The following CCDC171 variants were observed in gnomAD, a reference collection of about 807,000 sequenced individuals.
CCDC171 encodes coiled-coil domain-containing protein 171.
CCDC171 carries 177 observed loss-of-function variants against 168.2 expected under a neutral mutation model. The ratio of observed to expected loss-of-function variants is 1.05; its 90% CI spans 0.93 to 1.19. The LOEUF (loss-of-function observed/expected upper bound fraction) is 1.19. Ranked by LOEUF, CCDC171 falls within the 50% of genes most tolerant of loss-of-function variation. CCDC171 has a pLI of 0.00. For synonymous variants in CCDC171, 687 were observed against 540.8 expected, an observed-to-expected ratio of 1.27 and a Z score of -3.75; for missense variants, 1,991 against 1,539.0, an observed-to-expected ratio of 1.29 and a Z score of -4.91.
In CCDC171 at chr9:16,049,547, G is replaced by A. The variant is rs373814654; in HGVS notation, n.89+6661G>A. 5.3e-5 allele frequency among the ~76,000 whole-genome samples: 8 copies of A among 152,132 alleles called. No individual in the cohort carries two copies. In the East Asian group the frequency reaches 1.5e-3, roughly 29 times the overall value. Reference sequence around the variant, plus strand: ...CATGGGCTTTTCTGCTGCTGCCTTGGATATCAGAACTTCAGGGTAGCCGGT... The same window carrying A: ...CATGGGCTTTTCTGCTGCTGCCTTGAATATCAGAACTTCAGGGTAGCCGGT... On this transcript the variant is annotated intron_variant and non_coding_transcript_variant, in intron 1 of 1. Coordinates refer to the CCDC171 transcript ENST00000478913.
chr9:15,669,449 C>A (rs567785823), intron 9 of CCDC171, among the ~76,000 whole-genome samples: 147 of 152,026 alleles, frequency 9.7e-4, no homozygotes, highest in Non-Finnish European at 1.7e-3. Context: ...TTAACTCAGG[C>A]ATTTATCATT....
chr9:15,855,041 A>G (rs1420528974), intron 23 of CCDC171, among the ~76,000 whole-genome samples: 1 of 151,630 alleles, frequency 6.6e-6, no homozygotes, highest in Non-Finnish European at 1.5e-5. Context: ...ATTTTAAAAG[A>G]ATATGTATTC....
At chr9:15,813,524 G>A (rs1489436402) in intron 21 of CCDC171, among the ~76,000 whole-genome samples, 5 of 151,728 alleles carry the variant, frequency 3.3e-5, no homozygotes, top group African/African-American at 1.2e-4. Context: ...CAACAGTTTT[G>A]GTTGCTTTTT....
intron 10 of CCDC171, among the ~76,000 whole-genome samples, chr9:15,679,300 G>A (rs775350988): frequency 6.6e-6 from 1 of 152,176 alleles, no homozygotes; most frequent in African/African-American, 2.4e-5. Context: ...CAGTAATCTA[G>A]CTTTTACACC....
chr9:16,070,200 T>C, the CCDC171 span, among the ~76,000 whole-genome samples: 1 of 152,104 alleles, frequency 6.6e-6, no homozygotes, highest in African/African-American at 2.4e-5. Flanking sequence ...ATGATTCATA[T>C]AACATGAGCC....
At chr9:15,876,284 A>G (rs1316217266) in intron 24 of CCDC171, among the ~76,000 whole-genome samples, 1 of 152,158 alleles carries the variant, frequency 6.6e-6, no homozygotes, top group Non-Finnish European at 1.5e-5. Flanking sequence ...AGTAGTATAC[A>G]TCATAGTTGG....
intron 19 of CCDC171, 118 bp downstream of exon 19, chr9:15,777,944 G>C (rs553630044): frequency 6.0e-6 from 4 of 664,512 alleles, no homozygotes; most frequent in African/African-American, 3.7e-5. Flanking sequence ...TTTCTTTATA[G>C]TTCATGTAAA....
chr9:15,840,122 T>G (rs1379834765), intron 21 of CCDC171, among the ~76,000 whole-genome samples: 1 of 152,136 alleles, frequency 6.6e-6, no homozygotes, highest in African/African-American at 2.4e-5. Flanking sequence ...TTTTAATTAT[T>G]AATAGGCTTA....
chr9:15,737,882 G>A (rs1415558395), intron 16 of CCDC171, among the ~76,000 whole-genome samples: 9 of 152,032 alleles, frequency 5.9e-5, no homozygotes, highest in Admixed American at 3.3e-4. Flanking sequence ...TTTGAAAATG[G>A]CTGCACTATT....
chr9:15,560,058 C>T (rs1449546519), intron 1 of CCDC171, among the ~76,000 whole-genome samples: 3 of 152,084 alleles, frequency 2.0e-5, no homozygotes, highest in Non-Finnish European at 4.4e-5. Context: ...TGAATATTGG[C>T]CCTCACTCTC....
intron 1 of CCDC171, among the ~76,000 whole-genome samples, chr9:16,055,866 T>C (rs1231117086): frequency 2.0e-5 from 3 of 152,286 alleles, no homozygotes; most frequent in Non-Finnish European, 4.4e-5. Flanking sequence ...CTCTGGGCTC[T>C]TTTTAAAGCA....
At chr9:15,912,771 C>T (rs1283361072) in intron 24 of CCDC171, among the ~76,000 whole-genome samples, 1 of 152,048 alleles carries the variant, frequency 6.6e-6, no homozygotes, top group Non-Finnish European at 1.5e-5. Flanking sequence ...TTATTGAAGG[C>T]CTTTTCTGCA....
intron 7 of CCDC171, among the ~76,000 whole-genome samples, chr9:15,654,127 A>C (rs1186359081): frequency 6.6e-6 from 1 of 152,170 alleles, no homozygotes; most frequent in Non-Finnish European, 1.5e-5. Flanking sequence ...ATTTTATTCA[A>C]AGTATTATTT....
chr9:15,632,645 T>A (rs1394724802), intron 7 of CCDC171, among the ~76,000 whole-genome samples: 1 of 152,162 alleles, frequency 6.6e-6, no homozygotes, highest in African/African-American at 2.4e-5. Context: ...TACCAATGAC[T>A]TTCTTCACAG....
intron 1 of CCDC171, among the ~76,000 whole-genome samples, chr9:15,559,057 T>G (rs1042370235): frequency 2.0e-5 from 3 of 152,196 alleles, no homozygotes; most frequent in African/African-American, 7.2e-5. Flanking sequence ...GTGAGTTTCT[T>G]AATCCTGAGT....
intron 18 of CCDC171, among the ~76,000 whole-genome samples, chr9:15,762,453 T>G (rs1478544825): frequency 1.3e-5 from 2 of 152,178 alleles, no homozygotes; most frequent in African/African-American, 4.8e-5. Context: ...TACACACTTG[T>G]GTTCACATTT....
chr9:15,690,759 T>G (rs2050723538), intron 10 of CCDC171, among the ~76,000 whole-genome samples: 1 of 152,162 alleles, frequency 6.6e-6, no homozygotes, highest in African/African-American at 2.4e-5. Context: ...CAAAAAGAGA[T>G]TGCTTTTATA....
chr9:16,087,856 T>C, the CCDC171 span, among the ~76,000 whole-genome samples: 8 of 152,268 alleles, frequency 5.3e-5, no homozygotes, highest in Middle Eastern at 3.4e-3. Flanking sequence ...GTCATTATAG[T>C]TTGGTATGTT....
At position 15,761,854 on chromosome 9, in the gene CCDC171, A is replaced by ATTTT. The variant is rs2056462666; in HGVS notation, c.2672-15745_2672-15744insTTTT. Among the ~76,000 whole-genome samples the ATTTT allele has an allele frequency of 3.3e-5, 5 of 149,600 alleles. No homozygotes were observed. The Admixed American group carries it at 3.4e-4, about 10-fold the overall frequency. On this transcript the variant is annotated intron_variant, in intron 18 of 25. Coordinates refer to ENST00000380701, the MANE Select transcript of CCDC171 (RefSeq NM_173550.4). ...TTTGCCATATTTTTTCAAACATTTTATGAAAAAGTATAAGCATGTAGAAAA... is the reference window on the plus strand; with the variant it reads ...TTTGCCATATTTTTTCAAACATTTTATTTTTGAAAAAGTATAAGCATGTAGAAAA...
Sources: gnomAD v4.1 joint callset for allele counts (sites outside exome capture counted in the v4.1 genomes callset) on GRCh38, gnomAD v4.1.1 for gene constraint, MANE v1.5 for transcripts, NCBI Gene and HGNC (gene_info 2026-07-23, HGNC 2026-07-21) for gene names.